Variants in SIK3 observed in about 807,000 individuals in gnomAD.
SIK3 encodes the protein serine/threonine-protein kinase SIK3.
In SIK3, 28 loss-of-function variants were observed where a neutral mutation model predicts 144.2. The observed-to-expected ratio is 0.19, with a 90% CI of 0.14 to 0.27. The LOEUF (loss-of-function observed/expected upper bound fraction) is 0.27. Among genes scored for constraint, SIK3 ranks in the 10% least tolerant of loss-of-function variants. The probability of loss-of-function intolerance (pLI) is 1.00; values close to 1 mark genes in which losing one functional copy is unlikely to be tolerated. For synonymous variants in SIK3, 686 were observed against 676.3 expected (o/e 1.01, Z -0.22); for missense variants, 1,319 against 1,776.0 (o/e 0.74, Z 4.62).
At chr11:116,897,393 C>CTA in intron 4 of SIK3, 76 bp from the exon 5 acceptor site, 1 of 1,279,866 alleles carries the variant, frequency 7.8e-7, no homozygotes. Flanking sequence ...TCTCTAGTCA[C>CTA]TAAAGATTCC....
intron 1 of SIK3, among the ~76,000 whole-genome samples, chr11:117,026,270 C>T (rs1402978455): frequency 5.3e-5 from 8 of 152,130 alleles, no homozygotes; most frequent in African/African-American, 9.7e-5. Flanking sequence ...AGCAACAGAC[C>T]ATACCACATA....
intron 1 of SIK3, among the ~76,000 whole-genome samples, chr11:117,051,449 A>ATT (rs1327527868): frequency 1.3e-5 from 2 of 152,100 alleles, no homozygotes; most frequent in Non-Finnish European, 2.9e-5. Flanking sequence ...CTATGTATCT[A>ATT]TTATATATAT....
intron 1 of SIK3, among the ~76,000 whole-genome samples, chr11:117,053,457 A>G (rs956190556): frequency 1.3e-5 from 2 of 152,138 alleles, no homozygotes; most frequent in African/African-American, 4.8e-5. Flanking sequence ...AGCCCTTTCA[A>G]TGCATTTTCC....
chr11:117,002,263 A>G (rs555882912), intron 1 of SIK3, among the ~76,000 whole-genome samples: 96 of 152,242 alleles, frequency 6.3e-4, no homozygotes, highest in African/African-American at 2.2e-3. Context: ...ACAAATTCAT[A>G]AACTTTCTTA....
chr11:116,996,243 G>C (rs1253445586), intron 1 of SIK3, among the ~76,000 whole-genome samples: 1 of 152,082 alleles, frequency 6.6e-6, no homozygotes, highest in Admixed American at 6.5e-5. Context: ...GGGAGACAAA[G>C]GTTGCAATGA....
At chr11:117,067,335 A>T (rs1215776627) in intron 1 of SIK3, among the ~76,000 whole-genome samples, 1 of 152,252 alleles carries the variant, frequency 6.6e-6, no homozygotes, top group African/African-American at 2.4e-5. Context: ...ACAATGTAAC[A>T]CTACTCAGAT....
chr11:117,013,915 G>GGGGTGTGT (rs1206309055), intron 1 of SIK3, among the ~76,000 whole-genome samples: 26 of 23,616 alleles, frequency 1.1e-3, no homozygotes, highest in South Asian at 1.7e-3. Flanking sequence ...GGGGGGGGAG[G>GGGGTGTGT]GTGTGTGTGT....
chr11:117,048,073 A>T (rs1953045948), intron 1 of SIK3, among the ~76,000 whole-genome samples: 1 of 152,206 alleles, frequency 6.6e-6, no homozygotes, highest in South Asian at 2.1e-4. Flanking sequence ...AGACATGGAA[A>T]TACGATTTAT....
chr11:116,849,394 T>C lies in SIK3; in HGVS notation c.3656-111A>G. ...ACAATGGGCAAGGCTGAGGAGATCA[T>C]GTACACCAACCGCTGATCCTCAGCC... On this transcript the variant is annotated intron_variant, in intron 21 of 24. Transcript: ENST00000445177. The surrounding 1 kb of genome is among the most constrained non-coding windows in gnomAD (Gnocchi z 4.2). 10 of 1,285,736 alleles carry C rather than the reference T, an allele frequency of 7.8e-6. No individual in the cohort carries two copies. The highest frequency in any genetic ancestry group is 8.7e-6 in the Non-Finnish European group (8 of 920,954). 79.6% of individuals were successfully genotyped at this position (1,285,736 alleles called of 1,614,324 possible).
chr11:116,901,132 T>C (rs529822697), intron 4 of SIK3, among the ~76,000 whole-genome samples: 1 of 152,362 alleles, frequency 6.6e-6, no homozygotes, highest in South Asian at 2.1e-4. Context: ...CCCAAAGTGC[T>C]GGGATTACAG....
intron 1 of SIK3, among the ~76,000 whole-genome samples, chr11:116,986,694 C>A (rs1390129332): frequency 6.6e-6 from 1 of 152,174 alleles, no homozygotes; most frequent in East Asian, 1.9e-4. Flanking sequence ...TAGCTATTGT[C>A]ATCATCCTCA....
intron 1 of SIK3, among the ~76,000 whole-genome samples, chr11:117,004,572 T>C (rs1014425671): frequency 3.9e-5 from 6 of 152,092 alleles, no homozygotes; most frequent in African/African-American, 1.4e-4. Flanking sequence ...ACCCTGAAAA[T>C]ACTTGGGTAA....
chr11:116,988,867 C>T (rs1242664127), intron 1 of SIK3, among the ~76,000 whole-genome samples: 1 of 150,572 alleles, frequency 6.6e-6, no homozygotes, highest in African/African-American at 2.4e-5. Flanking sequence ...GAGAGGAGTA[C>T]AAAACTTCAC....
intron 1 of SIK3, among the ~76,000 whole-genome samples, chr11:117,007,364 C>T (rs1951089241): frequency 6.6e-6 from 1 of 152,124 alleles, no homozygotes; most frequent in African/African-American, 2.4e-5. Flanking sequence ...GGTGAGAGAG[C>T]AAGACTCTGT....
At chr11:116,999,803 T>C (rs1950790477) in intron 1 of SIK3, among the ~76,000 whole-genome samples, 1 of 152,232 alleles carries the variant, frequency 6.6e-6, no homozygotes, top group African/African-American at 2.4e-5. Flanking sequence ...TTTGACCTAC[T>C]ATTATTTCTA....
chr11:116,897,756 G>A lies in SIK3; in HGVS notation c.617-439C>T, dbSNP rs372410678. Among the ~76,000 whole-genome samples, 17 of 152,204 alleles carry A rather than the reference G, an allele frequency of 1.1e-4. No individual in the cohort carries two copies. The South Asian group carries it at 2.5e-3, about 22-fold the overall frequency. ...AAATTAGCCGGGCGTGGTGGCGTGC[G>A]CCTGTAGTCCCAGGTACTCGGGAGG... On this transcript the variant is annotated intron_variant, in intron 4 of 24. Coordinates refer to ENST00000445177, the MANE Select transcript of SIK3 (RefSeq NM_001366686.3).
intron 4 of SIK3, among the ~76,000 whole-genome samples, chr11:116,907,584 T>G (rs547145171): frequency 2.6e-5 from 4 of 152,102 alleles, no homozygotes; most frequent in African/African-American, 9.6e-5. Flanking sequence ...AGGCGGAGGG[T>G]TGCACCAGAG....
chr11:117,097,500 T>C (rs574301783), intron 1 of SIK3, among the ~76,000 whole-genome samples: 66 of 139,514 alleles, frequency 4.7e-4, no homozygotes, highest in Middle Eastern at 3.7e-3. Flanking sequence ...ATTTCCCCCT[T>C]ATTTCCCCAT....
At chr11:116,953,565 A>T (rs1293614635) in intron 3 of SIK3, among the ~76,000 whole-genome samples, 2 of 152,216 alleles carry the variant, frequency 1.3e-5, no homozygotes, top group African/African-American at 4.8e-5. Context: ...AAATTACAAG[A>T]ATTACTGAGG....
Sources: gnomAD v4.1 joint callset for allele counts (sites outside exome capture counted in the v4.1 genomes callset) on GRCh38, gnomAD v4.1.1 for gene constraint, Gnocchi (gnomAD v3.1) non-coding constraint, MANE v1.5 for transcripts, NCBI Gene and HGNC (gene_info 2026-07-23, HGNC 2026-07-21) for gene names.